The following DOT1L variants were observed in gnomAD, a reference collection of about 807,000 sequenced individuals.
The protein encoded by DOT1L is histone-lysine N-methyltransferase, H3 lysine-79 specific.
Under a neutral mutation model 153.3 loss-of-function variants are expected in DOT1L, and 33 were observed. The observed-to-expected ratio is 0.22, with a 90% CI of 0.16 to 0.29. The LOEUF (loss-of-function observed/expected upper bound fraction) is 0.29, where lower values mean the gene tolerates loss of function less well. Ranked by LOEUF, DOT1L falls within the 10% of genes least tolerant of loss-of-function variation. The pLI, the probability that DOT1L is intolerant of heterozygous loss-of-function variation, is 1.00. For missense variants in DOT1L, 1,847 were observed against 2,119.9 expected, an observed-to-expected ratio of 0.87 and a Z score of 2.53; for synonymous variants, 1,135 against 965.1, an observed-to-expected ratio of 1.18 and a Z score of -3.26.
intron 1 of DOT1L, among the ~76,000 whole-genome samples, chr19:2,165,432 A>T (rs2019876204): frequency 6.6e-6 from 1 of 152,048 alleles, no homozygotes; most frequent in Non-Finnish European, 1.5e-5. Context: ...GCCTGGCCGC[A>T]CGTCCCGCGC....
intron 27 of DOT1L, chr19:2,228,084 C>T: frequency 1.5e-6 from 2 of 1,337,274 alleles, no homozygotes; most frequent in Non-Finnish European, 2.0e-6. Flanking sequence ...GTCCCTCCCG[C>T]CTAACCAAGC....
chr19:2,175,673 AC>A (rs1269355316), intron 1 of DOT1L, among the ~76,000 whole-genome samples: 6 of 152,150 alleles, frequency 3.9e-5, no homozygotes, highest in Non-Finnish European at 5.9e-5. Flanking sequence ...TACTAAAAAT[AC>A]AAAAAATTAG....
Position 2,210,419 on chromosome 19 carries a change from G to A in DOT1L, c.1025G>A (p.Arg342Gln), listed in dbSNP as rs760131961. Reference protein sequence around the residue: ...PKLREEQEAARRRQQRESKSN... With the variant: ...PKLREEQEAAQRRQQRESKSN... ...TTCCAGGAGGAACAGGAGGCAGCCCGGCGCCGCCAGCAGCGCGAGAGCAAG... is the reference window on the plus strand; with the variant it reads ...TTCCAGGAGGAACAGGAGGCAGCCCAGCGCCGCCAGCAGCGCGAGAGCAAG... Residue 342 changes from arginine (R) to glutamine (Q), a missense_variant, in exon 13 of 28, where the codon CGG becomes CAG. Transcript: ENST00000398665. The A allele has an allele frequency of 2.6e-6, 4 of 1,548,238 alleles. No homozygotes were observed. The highest frequency in any genetic ancestry group is 2.6e-6 in the Non-Finnish European group (3 of 1,149,794).
rs764817239 is a variant in DOT1L at position 2,226,163 on chromosome 19, C to T, written c.3662-20C>T. 4.6e-6 allele frequency: 7 copies of T among 1,508,400 alleles called. No individual in the cohort carries two copies. Among genetic ancestry groups the T allele is most frequent in the Non-Finnish European group, 5.3e-6 (6 of 1,128,360 alleles). 93.4% of individuals were successfully genotyped at this position (1,508,400 alleles called of 1,614,324 possible). ...GGCAGGTGCTCTGGGCTCACGGCTT[C>T]TGCCTTTCCTCTTTGCCAGGTGGTG... On this transcript the variant is annotated intron_variant, in intron 26 of 27. Transcript: ENST00000398665.
rs1203823093 is a variant in DOT1L at position 2,226,936 on chromosome 19, C to T, written c.4415C>T (p.Pro1472Leu). Reference sequence around the variant, plus strand: ...TTCCTGGGCCCCTTCCCGCCGGGACCGCAGTTCGCGCTCGGCCCCATGTCC... The same window carrying T: ...TTCCTGGGCCCCTTCCCGCCGGGACTGCAGTTCGCGCTCGGCCCCATGTCC... Reference protein sequence around the residue: ...RSFLGPFPPGPQFALGPMSLQ... With the variant: ...RSFLGPFPPGLQFALGPMSLQ... Residue 1472 changes from proline (P) to leucine (L), a missense_variant, in exon 27 of 28, where the codon CCG (proline) becomes CTG (leucine). Physicochemically the swap from Pro to Leu is moderately conservative, Grantham distance 98. Transcript: ENST00000398665. 4.4e-6 allele frequency: 7 copies of T among 1,583,328 alleles called. No individual in the cohort carries two copies. Among genetic ancestry groups the T allele is most frequent in the African/African-American group, 1.4e-5 (1 of 72,802 alleles).
intron 27 of DOT1L, 35 bp downstream of exon 27, chr19:2,227,162 C>T (rs755624747): frequency 3.2e-6 from 5 of 1,570,780 alleles, no homozygotes; most frequent in South Asian, 2.3e-5. Flanking sequence ...CCCCCCGCCC[C>T]GGCCCCCGCC....
At chr19:2,196,784 A>G (rs2269882) in intron 7 of DOT1L, among the ~76,000 whole-genome samples, 62,353 of 151,794 alleles carry the variant, frequency 0.41, 13,072 homozygotes, top group Middle Eastern at 0.52. Context: ...TGAGGGCAAG[A>G]CGGGTACCCT....
In DOT1L at chr19:2,211,813, A is replaced by G. The variant is rs2023725834; in HGVS notation, c.1528A>G (p.Ser510Gly). Reference sequence around the variant, plus strand: ...CACAAAGACCCCCCAGTACAAGGCCAGCCTGCAGGAGCTGCTGGGCCAGGA... The same window carrying G: ...CACAAAGACCCCCCAGTACAAGGCCGGCCTGCAGGAGCTGCTGGGCCAGGA... ...AYTKTPQYKASLQELLGQEKE... is the reference protein window; with the variant it reads ...AYTKTPQYKAGLQELLGQEKE... The change falls in exon 16 of 28, where the codon AGC (serine) becomes GGC (glycine). Residue 510 changes from serine to glycine, a missense_variant. By Grantham distance (56) the Ser-to-Gly change is moderately conservative. Coordinates refer to ENST00000398665, the MANE Select transcript of DOT1L (RefSeq NM_032482.3). The G allele has an allele frequency of 6.4e-7, 1 of 1,571,688 alleles. No individual in the cohort carries two copies. Among genetic ancestry groups the G allele is most frequent in the South Asian group, 1.2e-5 (1 of 85,534 alleles).
chr19:2,220,946 T>A lies in DOT1L; in HGVS notation c.2806+724T>A, dbSNP rs1473404718. 1 of 224,158 alleles carries A rather than the reference T, an allele frequency of 4.5e-6. No individual in the cohort carries two copies. Among genetic ancestry groups the A allele is most frequent in the African/African-American group, 2.3e-5 (1 of 43,176 alleles). The allele number at this position is 224,158 out of a possible 1,614,324, so 13.9% of individuals were successfully genotyped here. A position where few individuals can be genotyped will look rare whatever the true frequency, so the allele number is the denominator to read the frequency against. On this transcript the variant is annotated intron_variant, in intron 23 of 27. Transcript: ENST00000398665. The surrounding 1 kb of genome is among the most constrained non-coding windows in gnomAD (Gnocchi z 4.5). The stretch of plus-strand genomic sequence containing the variant: ...ATCCCAGCACCTTGGGATGCCGAGG[T>A]GGGCGGATCACCTGAGGACAGGAGT...
In DOT1L at chr19:2,228,361, C is replaced by T. The variant is rs547658469; in HGVS notation, c.4606+1234C>T. The T allele has an allele frequency of 4.4e-5, 58 of 1,312,002 alleles. 1 individual carries two copies. In the South Asian group the frequency reaches 6.3e-4, roughly 14 times the overall value. 81.3% of individuals were successfully genotyped at this position (1,312,002 alleles called of 1,614,324 possible). A position where few individuals can be genotyped will look rare whatever the true frequency, so the allele number is the denominator to read the frequency against. ...AAGCCGCGATAAAGACCTTGCTTAG[C>T]TAGCAGTGCGTATTGTGTAAGGTAA... is the stretch of plus-strand genomic sequence containing the variant. On this transcript the variant is annotated intron_variant, in intron 27 of 27. Transcript: ENST00000398665.
chr19:2,227,077 A>G lies in DOT1L; in HGVS notation c.4556A>G (p.Asn1519Ser). 1 of 1,566,614 alleles carries G rather than the reference A, an allele frequency of 6.4e-7. No homozygotes were observed. Among genetic ancestry groups the G allele is most frequent in the South Asian group, 1.1e-5 (1 of 87,608 alleles). The change falls in exon 27 of 28, where the codon AAC (asparagine) becomes AGC (serine). Residue 1519 changes from asparagine to serine, a missense_variant. Physicochemically the swap from Asn to Ser is conservative, Grantham distance 46. Transcript: ENST00000398665. ...TCGTCCGCTGCCACCAGACTGACCAACTCGCACGCCATGGGCAGCTTTTCC... is the reference window on the plus strand; with the variant it reads ...TCGTCCGCTGCCACCAGACTGACCAGCTCGCACGCCATGGGCAGCTTTTCC... The part of the protein sequence containing the change: ...HVSSAATRLT[N>S]SHAMGSFSGV...
chr19:2,220,380 C>T lies in DOT1L; in HGVS notation c.2806+158C>T, dbSNP rs761578393. On this transcript the variant is annotated intron_variant, in intron 23 of 27. Transcript: ENST00000398665. This position sits in a 1 kb window ranked among gnomAD's most constrained non-coding sequence, Gnocchi z 4.5. ...GCCTCATTACTGACACCCTTTCCTG[C>T]ATCCCACGAGCTGGGATGCGGATCG... is the stretch of plus-strand genomic sequence containing the variant. 1 of 764,756 alleles carries T rather than the reference C, an allele frequency of 1.3e-6. No individual in the cohort carries two copies. The highest frequency in any genetic ancestry group is 2.2e-6 in the Non-Finnish European group (1 of 444,492). The allele number at this position is 764,756 out of a possible 1,614,324, so 47.4% of individuals were successfully genotyped here. A position where few individuals can be genotyped will look rare whatever the true frequency, so the allele number is the denominator to read the frequency against.
chr19:2,228,523 A>C (rs1437170046), intron 27 of DOT1L: 8 of 1,161,532 alleles, frequency 6.9e-6, no homozygotes, highest in Non-Finnish European at 8.6e-6. Context: ...GACCAGGGAG[A>C]TGGTCGCGAG....
chr19:2,189,824 G>T, intron 4 of DOT1L, 29 bp downstream of exon 4: 2 of 1,610,210 alleles, frequency 1.2e-6, no homozygotes, highest in Non-Finnish European at 1.7e-6. Flanking sequence ...CCCAGAGGGG[G>T]TTAGTAGTGC....
chr19:2,229,794 AT>A lies in DOT1L; in HGVS notation c.*5del, dbSNP rs1157332776. On this transcript the variant is annotated 3_prime_UTR_variant, in exon 28 of 28. Coordinates refer to ENST00000398665, the MANE Select transcript of DOT1L (RefSeq NM_032482.3). ...CTGTGCCCTTCTGCAGGTAACTAGG[AT>A]TTCTACCTCAACCGCGAGACCTATG... is the stretch of plus-strand genomic sequence containing the variant. 6.2e-7 allele frequency: 1 copy of A among 1,613,214 alleles called. No individual in the cohort carries two copies. Among genetic ancestry groups the A allele is most frequent in the East Asian group, 2.2e-5 (1 of 44,846 alleles).
In DOT1L at chr19:2,211,725, C is replaced by T. The variant is rs1298209161; in HGVS notation, c.1466-26C>T. The T allele has an allele frequency of 1.4e-5, 22 of 1,542,926 alleles. 1 individual carries two copies. The highest frequency in any genetic ancestry group is 1.7e-4 in the Middle Eastern group (1 of 5,962). ...CTCTCAGTCTCAGCTGCTCTCTTCTCACCTGTGTTCCGCCTCTCTTCCCAG... is the reference window on the plus strand; with the variant it reads ...CTCTCAGTCTCAGCTGCTCTCTTCTTACCTGTGTTCCGCCTCTCTTCCCAG... On this transcript the variant is annotated intron_variant, in intron 15 of 27. Transcript: ENST00000398665.
chr19:2,225,831 CCA>C (rs1446630107), intron 26 of DOT1L, among the ~76,000 whole-genome samples: 2 of 152,128 alleles, frequency 1.3e-5, no homozygotes, highest in African/African-American at 4.8e-5. Flanking sequence ...TGGGGCAGCC[CCA>C]CCTTCCCTCC....
intron 22 of DOT1L, among the ~76,000 whole-genome samples, chr19:2,218,629 G>C (rs750972889): frequency 6.6e-6 from 1 of 152,098 alleles, no homozygotes; most frequent in Non-Finnish European, 1.5e-5. Flanking sequence ...TCCTGACCTA[G>C]TGATCCGCCC....
In DOT1L at chr19:2,207,755, T is replaced by C; in HGVS notation, c.963+75T>C. 7.4e-7 allele frequency: 1 copy of C among 1,357,808 alleles called. No homozygotes were observed. Among genetic ancestry groups the C allele is most frequent in the East Asian group, 2.4e-5 (1 of 42,198 alleles). The allele number at this position is 1,357,808 out of a possible 1,614,324, so 84.1% of individuals were successfully genotyped here. On this transcript the variant is annotated intron_variant, in intron 11 of 27. Transcript: ENST00000398665. This position sits in a 1 kb window ranked among gnomAD's most constrained non-coding sequence, Gnocchi z 4.5. ...CCGCCCACGTCACACTGCTCTCTCC[T>C]TTCTCATGTGGCCTCTGAGACCCTC...
Sources: allele counts gnomAD v4.1 joint callset (sites outside exome capture counted in the v4.1 genomes callset), GRCh38; gene constraint gnomAD v4.1.1; non-coding constraint Gnocchi (gnomAD v3.1); transcripts MANE v1.5; gene names NCBI Gene and HGNC (gene_info 2026-07-23, HGNC 2026-07-21).